Variants in SORCS2 observed in about 807,000 individuals in gnomAD.
SORCS2 encodes VPS10 domain-containing receptor SorCS2.
In SORCS2, 100 loss-of-function variants were observed where a neutral mutation model predicts 141.6. The observed-to-expected ratio is 0.71, with a 90% CI of 0.60 to 0.83. SORCS2 has a LOEUF of 0.83. SORCS2 is among the 40% of genes least tolerant of loss of function. The pLI is 0.00. For synonymous variants in SORCS2, 789 were observed against 676.9 expected, an observed-to-expected ratio of 1.17 and a Z score of -2.57; for missense variants, 1,646 against 1,560.2, an observed-to-expected ratio of 1.05 and a Z score of -0.93.
intron 4 of SORCS2, among the ~76,000 whole-genome samples, chr4:7,652,151 C>T (rs571120138): frequency 2.0e-5 from 3 of 152,262 alleles, no homozygotes; most frequent in African/African-American, 7.2e-5. Context: ...CCTTCCCCAC[C>T]CGACACGCTG....
chr4:7,709,738 G>A (rs759655447), intron 14 of SORCS2, among the ~76,000 whole-genome samples: 4 of 152,172 alleles, frequency 2.6e-5, no homozygotes, highest in Non-Finnish European at 5.9e-5. Context: ...TCTGCCCAAA[G>A]GCCACCTCTA....
At chr4:7,725,867 C>T (rs2148885514) in intron 20 of SORCS2, among the ~76,000 whole-genome samples, 1 of 152,346 alleles carries the variant, frequency 6.6e-6, no homozygotes, top group East Asian at 1.9e-4. Context: ...CAGCTGACGG[C>T]CCTGACACAG....
chr4:7,679,352 T>A (rs1052155018), intron 9 of SORCS2, among the ~76,000 whole-genome samples: 5 of 152,172 alleles, frequency 3.3e-5, no homozygotes, highest in African/African-American at 1.2e-4. Flanking sequence ...GGCTGAATGG[T>A]GGCCCCGAAA....
In SORCS2 at chr4:7,425,799, C is replaced by T. The variant is rs80286549; in HGVS notation, c.548+29444C>T. On this transcript the variant is annotated intron_variant, in intron 2 of 26. Transcript: ENST00000507866. Reference sequence around the variant, plus strand: ...TGGGGTCCCCACCTCGCTGGAGAAACGAGGAAGGGGCGGCAGCAGGCAAGC... The same window carrying T: ...TGGGGTCCCCACCTCGCTGGAGAAATGAGGAAGGGGCGGCAGCAGGCAAGC... Among the ~76,000 whole-genome samples, 728 of 152,324 alleles carry T rather than the reference C, an allele frequency of 4.8e-3. 4 individuals are homozygous for T. The highest frequency in any genetic ancestry group is 0.017 in the African/African-American group (688 of 41,560).
intron 1 of SORCS2, among the ~76,000 whole-genome samples, chr4:7,271,406 C>T (rs573086652): frequency 3.9e-5 from 6 of 152,322 alleles, no homozygotes; most frequent in African/African-American, 4.8e-5. Flanking sequence ...ACCTGCTAGG[C>T]GTGCTCCAGC....
intron 4 of SORCS2, among the ~76,000 whole-genome samples, chr4:7,649,599 G>A (rs1284618100): frequency 1.3e-5 from 2 of 152,104 alleles, no homozygotes; most frequent in Non-Finnish European, 2.9e-5. Flanking sequence ...ATTAGACATG[G>A]CAGCAGGAAG....
At chr4:7,390,873 C>T (rs140546769) in intron 1 of SORCS2, among the ~76,000 whole-genome samples, 39 of 152,302 alleles carry the variant, frequency 2.6e-4, no homozygotes, top group Middle Eastern at 3.4e-3. Flanking sequence ...CTAAAGGCAT[C>T]GATCGGCTCT....
chr4:7,322,658 C>T (rs1718970745), intron 1 of SORCS2, among the ~76,000 whole-genome samples: 1 of 152,214 alleles, frequency 6.6e-6, no homozygotes, highest in Non-Finnish European at 1.5e-5. Flanking sequence ...TCCAGCCGCT[C>T]AAGAGTCTCA....
chr4:7,337,302 T>G (rs1338138419), intron 1 of SORCS2, among the ~76,000 whole-genome samples: 1 of 152,132 alleles, frequency 6.6e-6, no homozygotes, highest in Non-Finnish European at 1.5e-5. Flanking sequence ...ACCTGCAACG[T>G]GCGGTCTGCT....
chr4:7,196,598 A>C (rs1727178001), intron 1 of SORCS2, among the ~76,000 whole-genome samples: 2 of 148,918 alleles, frequency 1.3e-5, no homozygotes, highest in Admixed American at 6.7e-5. Flanking sequence ...GAAGATCAGC[A>C]CCTCCCTCCC....
intron 1 of SORCS2, among the ~76,000 whole-genome samples, chr4:7,217,710 G>T (rs1313201654): frequency 6.6e-6 from 1 of 152,136 alleles, no homozygotes; most frequent in Non-Finnish European, 1.5e-5. Context: ...CTGTGTGTGG[G>T]GGTGTGTGAC....
intron 1 of SORCS2, among the ~76,000 whole-genome samples, chr4:7,268,482 G>C (rs1369170873): frequency 6.6e-6 from 1 of 152,208 alleles, no homozygotes; most frequent in Non-Finnish European, 1.5e-5. Context: ...AAGCTGTGCC[G>C]ATGGCCACCC....
intron 2 of SORCS2, among the ~76,000 whole-genome samples, chr4:7,475,124 T>C (rs1265075761): frequency 1.3e-5 from 2 of 152,162 alleles, no homozygotes; most frequent in Non-Finnish European, 2.9e-5. Context: ...AAACATACCT[T>C]TTAGGGGCAC....
intron 2 of SORCS2, among the ~76,000 whole-genome samples, chr4:7,420,826 C>A (rs1170108651): frequency 6.6e-6 from 1 of 152,212 alleles, no homozygotes. Flanking sequence ...CCGTCACAAG[C>A]TGGAGCCTGC....
chr4:7,320,379 C>T (rs1031614803), intron 1 of SORCS2, among the ~76,000 whole-genome samples: 1 of 152,116 alleles, frequency 6.6e-6, no homozygotes, highest in South Asian at 2.1e-4. Flanking sequence ...ACAATGGATC[C>T]CCACAGAGGA....
In SORCS2 at chr4:7,734,273, T is replaced by C. The variant is rs1311964473; in HGVS notation, c.3210T>C (p.Gly1070=). 1.9e-6 allele frequency: 3 copies of C among 1,596,500 alleles called. No individual in the cohort carries two copies. Among genetic ancestry groups the C allele is most frequent in the East Asian group, 2.3e-5 (1 of 44,154 alleles). The change falls in exon 25 of 27, where the codon GGT becomes GGC. Residue 1070 remains glycine (G), a splice_region_variant and synonymous_variant. Coordinates refer to ENST00000507866, the MANE Select transcript of SORCS2 (RefSeq NM_020777.3). ...CACTGACAACCGCTTTGCTTGCAGG[T>C]GCTGAGCAGCTGGGCGGCGGTGGCG... ...VLVALRDTGT[G]AEQLGGGGGY... is the part of the protein sequence containing the mutation.
At chr4:7,406,391 T>G (rs1309519502) in intron 2 of SORCS2, among the ~76,000 whole-genome samples, 1 of 147,890 alleles carries the variant, frequency 6.8e-6, no homozygotes, top group Non-Finnish European at 1.5e-5. Context: ...GATAGGAGAC[T>G]TTATGACAGC....
At chr4:7,600,649 A>G (rs1003668025) in intron 3 of SORCS2, among the ~76,000 whole-genome samples, 1 of 83,298 alleles carries the variant, frequency 1.2e-5, no homozygotes, top group African/African-American at 5.8e-5. Flanking sequence ...CGATATACAT[A>G]TATATATACA....
intron 3 of SORCS2, among the ~76,000 whole-genome samples, chr4:7,630,155 G>A (rs1013657188): frequency 3.5e-4 from 53 of 152,188 alleles, no homozygotes; most frequent in African/African-American, 1.3e-3. Flanking sequence ...TACGCAGACT[G>A]TGAGGGTGTG....
Sources: gnomAD v4.1 joint callset for allele counts (sites outside exome capture counted in the v4.1 genomes callset) on GRCh38, gnomAD v4.1.1 for gene constraint, MANE v1.5 for transcripts, NCBI Gene and HGNC (gene_info 2026-07-23, HGNC 2026-07-21) for gene names.